Variants in LRMDA observed in about 807,000 individuals in gnomAD.
LRMDA encodes leucine-rich melanocyte differentiation-associated protein.
A neutral mutation model predicts 29.8 loss-of-function variants in LRMDA; 18 were observed. The ratio of observed to expected loss-of-function variants is 0.60; its 90% CI spans 0.42 to 0.90. The LOEUF (loss-of-function observed/expected upper bound fraction) is 0.90, where lower values mean the gene tolerates loss of function less well. Among genes scored for constraint, LRMDA ranks in the 40% least tolerant of loss-of-function variants. LRMDA has a pLI of 0.00. For missense variants in LRMDA, 273 were observed against 273.9 expected (o/e 1.00, Z 0.02); for synonymous variants, 125 against 109.4 (o/e 1.14, Z -0.89).
intron 2 of LRMDA, among the ~76,000 whole-genome samples, chr10:75,561,974 G>T (rs986372565): frequency 4.6e-5 from 7 of 152,062 alleles, no homozygotes; most frequent in African/African-American, 1.2e-4. Flanking sequence ...TTTGGAATAG[G>T]TGTGGTGTGG....
At chr10:76,536,699 C>T (rs933122728) in intron 6 of LRMDA, among the ~76,000 whole-genome samples, 6 of 152,098 alleles carry the variant, frequency 3.9e-5, no homozygotes, top group Non-Finnish European at 7.4e-5. Flanking sequence ...TTATGAGGCA[C>T]GTGTTATTTA....
intron 5 of LRMDA, among the ~76,000 whole-genome samples, chr10:76,240,410 T>G (rs1467654293): frequency 1.4e-5 from 2 of 145,952 alleles, no homozygotes; most frequent in African/African-American, 2.6e-5. Context: ...ATATGTAATA[T>G]ATATATTTGT....
intron 4 of LRMDA, among the ~76,000 whole-genome samples, chr10:76,053,597 C>CA (rs1404572693): frequency 6.6e-6 from 1 of 152,112 alleles, no homozygotes; most frequent in Non-Finnish European, 1.5e-5. Context: ...ATAGATCTCC[C>CA]AGGACCATGA....
At chr10:75,731,775 T>C (rs1187396915) in intron 2 of LRMDA, among the ~76,000 whole-genome samples, 1 of 152,222 alleles carries the variant, frequency 6.6e-6, no homozygotes, top group Non-Finnish European at 1.5e-5. Flanking sequence ...ATTTTGGACT[T>C]CCCAGGGCCT....
intron 2 of LRMDA, among the ~76,000 whole-genome samples, chr10:75,667,230 C>A (rs899456667): frequency 9.9e-5 from 15 of 151,886 alleles, no homozygotes; most frequent in Admixed American, 4.6e-4. Flanking sequence ...ACCCCCCCCC[C>A]CAAGTAAGAA....
intron 2 of LRMDA, among the ~76,000 whole-genome samples, chr10:75,742,359 C>G (rs1042560639): frequency 6.6e-6 from 1 of 152,148 alleles, no homozygotes; most frequent in Non-Finnish European, 1.5e-5. Flanking sequence ...TTGAACAAGG[C>G]AGACAGTTCA....
chr10:76,033,240 C>T (rs1208078139), intron 2 of LRMDA, among the ~76,000 whole-genome samples: 1 of 152,090 alleles, frequency 6.6e-6, no homozygotes, highest in Non-Finnish European at 1.5e-5. Flanking sequence ...GATTAAATCC[C>T]CAGGAGCACA....
intron 5 of LRMDA, among the ~76,000 whole-genome samples, chr10:76,149,258 G>T (rs1035021089): frequency 6.6e-6 from 1 of 152,216 alleles, no homozygotes; most frequent in Non-Finnish European, 1.5e-5. Context: ...CTGTAATGCA[G>T]CAGTCAAGGA....
chr10:75,812,087 T>C (rs1271660190), intron 2 of LRMDA, among the ~76,000 whole-genome samples: 1 of 151,100 alleles, frequency 6.6e-6, no homozygotes, highest in Non-Finnish European at 1.5e-5. Flanking sequence ...GACTAATAGT[T>C]TCTAAGGGGC....
chr10:76,145,476 G>A (rs558597293), intron 5 of LRMDA, among the ~76,000 whole-genome samples: 17 of 152,176 alleles, frequency 1.1e-4, no homozygotes, highest in South Asian at 4.2e-4. Context: ...GTTTATTTGC[G>A]TAGAGGTGTT....
At chr10:75,669,838 A>T (rs1841869529) in intron 2 of LRMDA, among the ~76,000 whole-genome samples, 1 of 152,232 alleles carries the variant, frequency 6.6e-6, no homozygotes, top group Non-Finnish European at 1.5e-5. Context: ...ATGATAGCTA[A>T]GTACTTTTAT....
intron 6 of LRMDA, among the ~76,000 whole-genome samples, chr10:76,420,553 G>C (rs933508747): frequency 6.6e-6 from 1 of 151,654 alleles, no homozygotes; most frequent in Non-Finnish European, 1.5e-5. Flanking sequence ...TGTTTTTACT[G>C]TTTCCTTCAT....
intron 2 of LRMDA, among the ~76,000 whole-genome samples, chr10:75,617,063 A>C (rs566300381): frequency 6.6e-6 from 1 of 152,282 alleles, no homozygotes; most frequent in Non-Finnish European, 1.5e-5. Flanking sequence ...GTTTCTATGA[A>C]AGTGTGCATT....
At chr10:76,474,046 A>G (rs186544250) in intron 6 of LRMDA, among the ~76,000 whole-genome samples, 3 of 151,644 alleles carry the variant, frequency 2.0e-5, no homozygotes, top group African/African-American at 7.2e-5. Flanking sequence ...AGGAGTCCAG[A>G]AAAAAGTCAT....
intron 2 of LRMDA, among the ~76,000 whole-genome samples, chr10:75,684,273 A>G (rs1022352945): frequency 2.0e-5 from 3 of 152,196 alleles, no homozygotes; most frequent in Admixed American, 2.0e-4. Context: ...TAGACCCTGT[A>G]GGCTGAGTTA....
At chr10:76,094,590 G>A (rs1391812946) in intron 5 of LRMDA, among the ~76,000 whole-genome samples, 1 of 151,890 alleles carries the variant, frequency 6.6e-6, no homozygotes, top group Non-Finnish European at 1.5e-5. Flanking sequence ...ATCTATATCA[G>A]TACTACTCAA....
chr10:76,544,911 C>T (rs927250437), intron 6 of LRMDA, among the ~76,000 whole-genome samples: 3 of 152,088 alleles, frequency 2.0e-5, no homozygotes, highest in African/African-American at 4.8e-5. Flanking sequence ...AAACTTCTTT[C>T]GGTTAGATTA....
Position 76,471,081 on chromosome 10 carries a change from G to C in LRMDA, c.602-86128G>C, listed in dbSNP as rs1158602854. On this transcript the variant is annotated intron_variant, in intron 6 of 6. Transcript: ENST00000611255. Reference sequence around the variant, plus strand: ...GATGGGTGGGAGGAAACCTGTATTGGTGTAAGGAAATGGCGCCAGATGGTA... The same window carrying C: ...GATGGGTGGGAGGAAACCTGTATTGCTGTAAGGAAATGGCGCCAGATGGTA... Among the ~76,000 whole-genome samples the C allele has an allele frequency of 4.0e-5, 6 of 151,792 alleles. No individual in the cohort carries two copies. The East Asian group carries it at 5.8e-4, about 15-fold the overall frequency.
chr10:76,291,778 T>C (rs1351855323), intron 5 of LRMDA, among the ~76,000 whole-genome samples: 2 of 152,336 alleles, frequency 1.3e-5, no homozygotes, highest in African/African-American at 2.4e-5. Flanking sequence ...TCTAACTCTA[T>C]TGTTTTCACT....
Sources: allele counts gnomAD v4.1 joint callset (sites outside exome capture counted in the v4.1 genomes callset), GRCh38; gene constraint gnomAD v4.1.1; transcripts MANE v1.5; gene names NCBI Gene and HGNC (gene_info 2026-07-23, HGNC 2026-07-21).